CMTM8: variants seen among roughly 807,000 people sequenced by gnomAD.
The protein encoded by CMTM8 is CKLF-like MARVEL transmembrane domain-containing protein 8.
In CMTM8, 12 loss-of-function variants were observed where a neutral mutation model predicts 18.6. The ratio of observed to expected loss-of-function variants is 0.65; its 90% CI spans 0.41 to 1.05. The LOEUF (loss-of-function observed/expected upper bound fraction) is 1.05, where lower values mean the gene tolerates loss of function less well. CMTM8 is among the 50% of genes least tolerant of loss of function. CMTM8 has a pLI of 0.00. For missense variants in CMTM8, 217 were observed against 227.2 expected, an observed-to-expected ratio of 0.95 and a Z score of 0.29; for synonymous variants, 87 against 90.6, an observed-to-expected ratio of 0.96 and a Z score of 0.23.
intron 1 of CMTM8, among the ~76,000 whole-genome samples, chr3:32,247,456 G>A (rs1702053452): frequency 6.6e-6 from 1 of 152,140 alleles, no homozygotes; most frequent in African/African-American, 2.4e-5. Flanking sequence ...GGGATTACAG[G>A]CGTGCGCCAC....
At chr3:32,364,333 T>G (rs1696989737) in intron 2 of CMTM8, among the ~76,000 whole-genome samples, 1 of 152,046 alleles carries the variant, frequency 6.6e-6, no homozygotes, top group Non-Finnish European at 1.5e-5. Context: ...TGAAACCCCA[T>G]CTCTACTAAA....
intron 1 of CMTM8, among the ~76,000 whole-genome samples, chr3:32,284,384 G>C (rs1033793865): frequency 6.6e-6 from 1 of 152,348 alleles, no homozygotes; most frequent in African/African-American, 2.4e-5. Context: ...CGGGATCTGC[G>C]AGGGGAATCA....
At chr3:32,268,482 A>G (rs1222525420) in intron 1 of CMTM8, among the ~76,000 whole-genome samples, 2 of 152,160 alleles carry the variant, frequency 1.3e-5, no homozygotes, top group African/African-American at 2.4e-5. Context: ...ATTAGGGGAC[A>G]TACCCAATGT....
rs765094764 is a variant in CMTM8, at chr3:32,369,914, G to A, written c.469G>A (p.Ala157Thr). Residue 157 changes from alanine (A) to threonine (T), a missense_variant, in exon 4 of 4, where the codon GCT (alanine) becomes ACT (threonine). Physicochemically the swap from Ala to Thr is moderately conservative, Grantham distance 58. Coordinates refer to ENST00000307526, the MANE Select transcript of CMTM8 (RefSeq NM_178868.5). ...TGCCTTCCTGGTCACCATCTGCTAC[G>A]CTGGAAATACATATTTCAGTTTTAT... ...FFAFLVTICY[A>T]GNTYFSFIAW... 5.0e-6 allele frequency: 8 copies of A among 1,608,758 alleles called. No homozygotes were observed. Among genetic ancestry groups the A allele is most frequent in the South Asian group, 3.3e-5 (3 of 90,672 alleles).
chr3:32,365,585 A>G (rs1697018848), intron 2 of CMTM8, among the ~76,000 whole-genome samples: 1 of 152,134 alleles, frequency 6.6e-6, no homozygotes, highest in Non-Finnish European at 1.5e-5. Context: ...AGCTGGGATT[A>G]CAGGGCCCAT....
chr3:32,359,296 A>G (rs746152299), intron 2 of CMTM8, among the ~76,000 whole-genome samples: 5 of 152,314 alleles, frequency 3.3e-5, no homozygotes, highest in South Asian at 4.1e-4. Context: ...TGTTCCAGTA[A>G]AACTTTATTT....
rs140270969 is a variant in CMTM8, at chr3:32,361,286, G to GTTTGTTTTTTTTTGTTTTT, written c.321+3743_321+3744insGTTTTTTTTTGTTTTTTTT. On this transcript the variant is annotated intron_variant, in intron 2 of 3. Coordinates refer to ENST00000307526, the MANE Select transcript of CMTM8 (RefSeq NM_178868.5). Reference sequence around the variant, plus strand: ...GTGAGCCACGGCGCCCAGCCTAAGAGTTTTTTTTTCTTTCAAATTTTGGAA... The same window carrying GTTTGTTTTTTTTTGTTTTT: ...GTGAGCCACGGCGCCCAGCCTAAGAGTTTGTTTTTTTTTGTTTTTTTTTTTTTTCTTTCAAATTTTGGAA... Among the ~76,000 whole-genome samples the GTTTGTTTTTTTTTGTTTTT allele has an allele frequency of 4.1e-4, 36 of 87,262 alleles. 3 individuals are homozygous for GTTTGTTTTTTTTTGTTTTT. Among genetic ancestry groups the GTTTGTTTTTTTTTGTTTTT allele is most frequent in the East Asian group, 3.4e-3 (12 of 3,536 alleles). The allele number at this position is 87,262 out of a possible 152,430, so 57.2% of individuals were successfully genotyped here.
intron 1 of CMTM8, among the ~76,000 whole-genome samples, chr3:32,245,544 G>C (rs796146019): frequency 1.1e-4 from 16 of 152,318 alleles, no homozygotes; most frequent in African/African-American, 3.6e-4. Context: ...AAAGTGATTT[G>C]TAAGAATCTT....
At chr3:32,287,564 A>G (rs1421552943) in intron 1 of CMTM8, among the ~76,000 whole-genome samples, 1 of 152,212 alleles carries the variant, frequency 6.6e-6, no homozygotes, top group Non-Finnish European at 1.5e-5. Flanking sequence ...CTTTATGTAT[A>G]ATAGGAATTA....
At chr3:32,293,077 G>GTATATATA (rs61467491) in intron 1 of CMTM8, among the ~76,000 whole-genome samples, 101 of 145,772 alleles carry the variant, frequency 6.9e-4, no homozygotes, top group African/African-American at 1.4e-3. Context: ...ATATGTGTGT[G>GTATATATA]TATATATATA....
Position 32,370,178 on chromosome 3 carries a change from T to C in CMTM8, c.*211T>C, listed in dbSNP as rs1269317725. The C allele has an allele frequency of 7.3e-6, 2 of 273,220 alleles. No homozygotes were observed. Among genetic ancestry groups the C allele is most frequent in the East Asian group, 6.2e-5 (1 of 16,068 alleles). 16.9% of individuals were successfully genotyped at this position (273,220 alleles called of 1,614,324 possible). ...TTATAATGAACTCTTAAGTATCTTATTAATGTATTAATGTCTTCATAGATC... is the reference window on the plus strand; with the variant it reads ...TTATAATGAACTCTTAAGTATCTTACTAATGTATTAATGTCTTCATAGATC... On this transcript the variant is annotated 3_prime_UTR_variant, in exon 4 of 4. Transcript: ENST00000307526.
At chr3:32,277,519 T>G (rs1210998747) in intron 1 of CMTM8, among the ~76,000 whole-genome samples, 1 of 152,128 alleles carries the variant, frequency 6.6e-6, no homozygotes, top group Non-Finnish European at 1.5e-5. Context: ...ATTACAGGTG[T>G]GTGCCACCAC....
At chr3:32,250,030 C>G (rs1422862949) in intron 1 of CMTM8, among the ~76,000 whole-genome samples, 1 of 152,086 alleles carries the variant, frequency 6.6e-6, no homozygotes, top group South Asian at 2.1e-4. Flanking sequence ...GTCTATGATT[C>G]GTTTTGAGTT....
At chr3:32,268,511 T>C (rs920747439) in intron 1 of CMTM8, among the ~76,000 whole-genome samples, 4 of 151,742 alleles carry the variant, frequency 2.6e-5, no homozygotes, top group African/African-American at 9.7e-5. Flanking sequence ...AGTTAATGGA[T>C]GCAGCACACC....
At chr3:32,327,375 A>T (rs574583895) in intron 1 of CMTM8, among the ~76,000 whole-genome samples, 116 of 152,336 alleles carry the variant, frequency 7.6e-4, no homozygotes, top group Non-Finnish European at 1.0e-3. Context: ...ATGCATTTTT[A>T]AAAGATATTA....
At chr3:32,260,293 G>A in intron 1 of CMTM8, 1 of 749,796 alleles carries the variant, frequency 1.3e-6, no homozygotes, top group Non-Finnish European at 2.2e-6. Context: ...GAGGTCATTG[G>A]AAAAAAAAAG....
rs1457066732 is a variant in CMTM8 at position 32,358,722 on chromosome 3, CTT to C, written c.321+1178_321+1179del. On this transcript the variant is annotated intron_variant, in intron 2 of 3. Coordinates refer to ENST00000307526, the MANE Select transcript of CMTM8 (RefSeq NM_178868.5). The surrounding 1 kb of genome is among the most constrained non-coding windows in gnomAD (Gnocchi z 4.1). The stretch of plus-strand genomic sequence containing the variant: ...TTCCCCAAATCCAAAAGTAAGGACT[CTT>C]TATTAAGATTTTCAAGAAAGCGTTG... 3.3e-5 allele frequency among the ~76,000 whole-genome samples: 5 copies of C among 152,130 alleles called. No homozygotes were observed. The East Asian group carries it at 9.6e-4, about 29-fold the overall frequency.
chr3:32,353,784 ATTT>A (rs10648596), intron 1 of CMTM8, among the ~76,000 whole-genome samples: 2 of 134,054 alleles, frequency 1.5e-5, no homozygotes, highest in Admixed American at 7.7e-5. Context: ...TTCTGTGTTA[ATTT>A]TTTTTTTTTT....
intron 1 of CMTM8, among the ~76,000 whole-genome samples, chr3:32,242,302 A>G (rs999941193): frequency 6.6e-6 from 1 of 152,126 alleles, no homozygotes; most frequent in African/African-American, 2.4e-5. Flanking sequence ...GTATTCTTTT[A>G]TTGTCCTTTA....
Sources: allele counts gnomAD v4.1 joint callset (sites outside exome capture counted in the v4.1 genomes callset), GRCh38; gene constraint gnomAD v4.1.1; non-coding constraint Gnocchi (gnomAD v3.1); transcripts MANE v1.5; gene names NCBI Gene and HGNC (gene_info 2026-07-23, HGNC 2026-07-21).